PFKP: variants seen among roughly 807,000 people sequenced by gnomAD.
PFKP encodes the protein ATP-dependent 6-phosphofructokinase, platelet type.
In PFKP, 101 loss-of-function variants were observed where a neutral mutation model predicts 94.3. The ratio of observed to expected loss-of-function variants is 1.07; its 90% CI spans 0.91 to 1.26. The LOEUF is 1.26. PFKP is among the 50% of genes most tolerant of loss of function. The pLI, the probability that PFKP is intolerant of heterozygous loss-of-function variation, is 0.00. For missense variants in PFKP, 1,145 were observed against 1,103.3 expected (o/e 1.04, Z -0.53); for synonymous variants, 573 against 432.6 (o/e 1.32, Z -4.03).
At chr10:3,114,990 C>T (rs1165528216) in intron 13 of PFKP, among the ~76,000 whole-genome samples, 2 of 152,196 alleles carry the variant, frequency 1.3e-5, no homozygotes, top group African/African-American at 2.4e-5. Context: ...AGACTGGCTA[C>T]TGTGCAGATG....
Position 3,098,034 on chromosome 10 carries a change from T to C in PFKP, c.187-1241T>C, listed in dbSNP as rs773672119. Among the ~76,000 whole-genome samples the C allele has an allele frequency of 6.6e-4, 101 of 152,150 alleles. 1 individual carries two copies. The highest frequency in any genetic ancestry group is 1.0e-3 in the Non-Finnish European group (69 of 68,012). ...AAAAATAAAATAAAATAAACACACA[T>C]ATATATATAATATTTCTGGTAGAAA... On this transcript the variant is annotated intron_variant, in intron 2 of 21. Transcript: ENST00000381125.
rs201548242 is a variant in PFKP, at chr10:3,120,015, G to A, written c.1654G>A (p.Ala552Thr). 5.6e-6 allele frequency: 9 copies of A among 1,614,166 alleles called. No individual in the cohort carries two copies. The highest frequency in any genetic ancestry group is 7.6e-6 in the Non-Finnish European group (9 of 1,180,018). ...NVPGSDFSIG[A>T]DTALNTITDT... ...GCCGGGTTCCGATTTCAGCATCGGG[G>A]CAGACACCGCCCTGAACACTATCAC... Residue 552 changes from alanine to threonine, a missense_variant, in exon 16 of 22, where the codon GCA becomes ACA. Coordinates refer to ENST00000381125, the MANE Select transcript of PFKP (RefSeq NM_002627.5).
At chr10:3,127,480 G>A (rs1448541047) in intron 16 of PFKP, among the ~76,000 whole-genome samples, 1 of 152,242 alleles carries the variant, frequency 6.6e-6, no homozygotes, top group Non-Finnish European at 1.5e-5. Flanking sequence ...GATTCAGTTG[G>A]AAAAGTAACC....
chr10:3,100,867 A>C, intron 3 of PFKP: 1 of 470,714 alleles, frequency 2.1e-6, no homozygotes, highest in African/African-American at 2.8e-5. Flanking sequence ...TGGTGCAAAA[A>C]AAAAAAAAAA....
Position 3,102,081 on chromosome 10 carries a change from C to T in PFKP, c.454+527C>T, listed in dbSNP as rs188107829. ...CCCGGCTAAAACGGTGAAACCCCGT[C>T]TCTACTAAAAATACAAAAAATTAGC... On this transcript the variant is annotated intron_variant, in intron 4 of 21. Transcript: ENST00000381125. Among the ~76,000 whole-genome samples, 236 of 150,554 alleles carry T rather than the reference C, an allele frequency of 1.6e-3. 2 individuals are homozygous for T. The Middle Eastern group carries it at 0.044, about 28-fold the overall frequency.
At chr10:3,110,010 T>G (rs1401514621) in intron 10 of PFKP, among the ~76,000 whole-genome samples, 1 of 152,012 alleles carries the variant, frequency 6.6e-6, no homozygotes, top group Non-Finnish European at 1.5e-5. Context: ...TGTCCTCCTA[T>G]CCCCAAGGAC....
At position 3,104,905 on chromosome 10, in the gene PFKP, T is replaced by C. The variant is rs1835385386; in HGVS notation, c.621-210T>C. 1.4e-4 allele frequency: 88 copies of C among 635,696 alleles called. 2 individuals carry two copies. The South Asian group carries it at 1.5e-3, about 11-fold the overall frequency. The allele number at this position is 635,696 out of a possible 1,614,324, so 39.4% of individuals were successfully genotyped here. A position where few individuals can be genotyped will look rare whatever the true frequency, so the allele number is the denominator to read the frequency against. On this transcript the variant is annotated intron_variant, in intron 5 of 21. Coordinates refer to ENST00000381125, the MANE Select transcript of PFKP (RefSeq NM_002627.5). ...GCAGAGGTGGCTCAAGTCCCCTTCC[T>C]CGCAGGAGTCTGGAAGGCTACTGCA...
rs761962212 is a variant in PFKP, at chr10:3,113,519, G to A, written c.1371+1G>A. On this transcript the variant is annotated splice_donor_variant, in intron 13 of 21. Coordinates refer to ENST00000381125, the MANE Select transcript of PFKP (RefSeq NM_002627.5). LOFTEE classifies it high-confidence loss of function. ...CTTTGACGGCTTCGCCAAGGGCCAG[G>A]TGAGTCACCCAGGATGCCGTAGGCA... 3 of 1,611,938 alleles carry A rather than the reference G, an allele frequency of 1.9e-6. No homozygotes were observed. Among genetic ancestry groups the A allele is most frequent in the South Asian group, 1.1e-5 (1 of 91,038 alleles).
Position 3,068,764 on chromosome 10 carries a change from G to A in PFKP, c.112+1057G>A, listed in dbSNP as rs901863076. ...GCGGGTAGATCGGCGCTTCCCAGGC[G>A]AACGCAACCTGGGAGCCTTAGCGAT... On this transcript the variant is annotated intron_variant, in intron 1 of 21. Coordinates refer to ENST00000381125, the MANE Select transcript of PFKP (RefSeq NM_002627.5). 5.5e-5 allele frequency: 49 copies of A among 884,940 alleles called. No individual in the cohort carries two copies. The African/African-American group carries it at 8.3e-4, about 15-fold the overall frequency. 54.8% of individuals were successfully genotyped at this position (884,940 alleles called of 1,614,324 possible).
At chr10:3,076,203 G>A (rs571729871) in intron 1 of PFKP, among the ~76,000 whole-genome samples, 1 of 152,236 alleles carries the variant, frequency 6.6e-6, no homozygotes, top group East Asian at 1.9e-4. Context: ...TGGACGGGAC[G>A]CACGTGGCCA....
intron 10 of PFKP, among the ~76,000 whole-genome samples, chr10:3,111,382 G>C (rs1244274131): frequency 6.6e-6 from 1 of 152,178 alleles, no homozygotes. Flanking sequence ...GTGCATGTGA[G>C]AGGCAGTAGG....
chr10:3,132,971 C>A (rs755446153), intron 18 of PFKP, among the ~76,000 whole-genome samples: 8 of 152,214 alleles, frequency 5.3e-5, no homozygotes, highest in Non-Finnish European at 1.0e-4. Flanking sequence ...TTAAAACTTA[C>A]ATATTTATTT....
rs138800513 is a variant in PFKP, at chr10:3,135,985, G to C, written c.2225+147G>C. ...TCAGTTAAAAAAATACTAGGTCTTGGCTGGGCGCGGTGGCTCATGCCTATA... is the reference window on the plus strand; with the variant it reads ...TCAGTTAAAAAAATACTAGGTCTTGCCTGGGCGCGGTGGCTCATGCCTATA... On this transcript the variant is annotated intron_variant, in intron 21 of 21. Coordinates refer to ENST00000381125, the MANE Select transcript of PFKP (RefSeq NM_002627.5). 4.9e-6 allele frequency: 3 copies of C among 610,842 alleles called. No individual in the cohort carries two copies. The South Asian group carries it at 6.0e-5, about 12-fold the overall frequency. 37.8% of individuals were successfully genotyped at this position (610,842 alleles called of 1,614,324 possible).
At chr10:3,069,450 C>T in intron 1 of PFKP, 1 of 1,474,438 alleles carries the variant, frequency 6.8e-7, no homozygotes, top group Admixed American at 2.0e-5. Context: ...AGTCAAAGGC[C>T]TTCAGAAGCA....
intron 19 of PFKP, 86 bp downstream of exon 19, chr10:3,133,400 A>G (rs1400680902): frequency 4.7e-6 from 4 of 853,706 alleles, no homozygotes; most frequent in Middle Eastern, 2.3e-4. Context: ...CATTGTGGGG[A>G]AAAATGTATA....
intron 2 of PFKP, among the ~76,000 whole-genome samples, chr10:3,088,113 T>G (rs1157639410): frequency 1.4e-5 from 2 of 147,678 alleles, no homozygotes; most frequent in African/African-American, 5.1e-5. Context: ...GTCATTTACA[T>G]TAGGTATATC....
chr10:3,090,639 A>G (rs1208685383), intron 2 of PFKP, among the ~76,000 whole-genome samples: 1 of 151,400 alleles, frequency 6.6e-6, no homozygotes, highest in Non-Finnish European at 1.5e-5. Context: ...GGGGTGGGCA[A>G]TTCTTGGTGG....
At chr10:3,134,393 T>C (rs1480481681) in intron 19 of PFKP, 90 bp from the exon 20 acceptor site, 18 of 804,232 alleles carry the variant, frequency 2.2e-5, no homozygotes, top group Non-Finnish European at 3.4e-5. Context: ...AATAAAAACA[T>C]GAATTCTGCA....
At chr10:3,080,490 C>G (rs1397125707) in intron 1 of PFKP, among the ~76,000 whole-genome samples, 1 of 132,336 alleles carries the variant, frequency 7.6e-6, no homozygotes, top group Non-Finnish European at 1.5e-5. Flanking sequence ...GCACTCCAGC[C>G]TGGGAGACAG....
Sources: gnomAD v4.1 joint callset for allele counts (sites outside exome capture counted in the v4.1 genomes callset) on GRCh38, gnomAD v4.1.1 for gene constraint, MANE v1.5 for transcripts, NCBI Gene and HGNC (gene_info 2026-07-23, HGNC 2026-07-21) for gene names.